Variants in MBNL3 observed in about 807,000 individuals in gnomAD.
MBNL3 encodes the protein muscleblind-like protein 3.
Under a neutral mutation model 24.5 loss-of-function variants are expected in MBNL3, and 6 were observed. The ratio of observed to expected loss-of-function variants is 0.25; its 90% confidence interval spans 0.13 to 0.48. MBNL3 has a LOEUF of 0.48. Ranked by LOEUF, MBNL3 falls within the 20% of genes least tolerant of loss-of-function variation. The pLI is 0.99. For missense variants in MBNL3, 230 were observed against 293.5 expected, an observed-to-expected ratio of 0.78 and a Z score of 1.58; for synonymous variants, 100 against 101.7, an observed-to-expected ratio of 0.98 and a Z score of 0.10.
At chrX:132,458,641 C>T (rs1310585694) in intron 1 of MBNL3, among the ~76,000 whole-genome samples, 1 of 111,066 alleles carries the variant, frequency 9.0e-6, no homozygotes, top group African/African-American at 3.3e-5. Flanking sequence ...ACTAGAACTG[C>T]ATTAATCTAT....
intron 2 of MBNL3, among the ~76,000 whole-genome samples, chrX:132,433,730 C>T (rs1944927799): frequency 8.9e-6 from 1 of 111,863 alleles, no homozygotes; most frequent in South Asian, 3.8e-4. Context: ...TACACAGAGC[C>T]CCACCTGATC....
intron 1 of MBNL3, among the ~76,000 whole-genome samples, chrX:132,462,915 G>A (rs186784264): frequency 9.0e-6 from 1 of 111,233 alleles, no homozygotes; most frequent in Admixed American, 9.6e-5. Flanking sequence ...AATTAACTAG[G>A]GCAATAGAAG....
intron 2 of MBNL3, among the ~76,000 whole-genome samples, chrX:132,409,328 A>G (rs1296444668): frequency 2.7e-5 from 3 of 112,094 alleles, no homozygotes; most frequent in Non-Finnish European, 5.6e-5. Context: ...AGGTTGGGAT[A>G]GAGTGGGGAT....
chrX:132,383,332 C>T (rs1935368748), intron 7 of MBNL3, among the ~76,000 whole-genome samples: 1 of 112,047 alleles, frequency 8.9e-6, no homozygotes, highest in Non-Finnish European at 1.9e-5. Context: ...TCTAGTTACC[C>T]ATTACCCAGA....
chrX:132,381,506 A>C (rs1934948320), intron 8 of MBNL3: 4 of 651,510 alleles, frequency 6.1e-6, no homozygotes, highest in Non-Finnish European at 9.3e-6. Context: ...ATATATGTGG[A>C]TCTTTTAGTC....
chrX:132,440,979 AT>A (rs988521569), intron 1 of MBNL3, among the ~76,000 whole-genome samples: 9 of 112,381 alleles, frequency 8.0e-5, no homozygotes, highest in African/African-American at 9.7e-5. Context: ...TTTCAACAAT[AT>A]TTTCAACAAT....
chrX:132,466,665 T>C lies in MBNL3; in HGVS notation c.-704+22186A>G, dbSNP rs754476159. 4.5e-5 allele frequency among the ~76,000 whole-genome samples: 5 copies of C among 111,408 alleles called. No homozygotes were observed. The South Asian group carries it at 1.1e-3, about 25-fold the overall frequency. On this transcript the variant is annotated intron_variant, in intron 1 of 8. Transcript: ENST00000370853. The stretch of plus-strand genomic sequence containing the variant: ...CTACAGTGTCTGTTAGAAGCTGAGG[T>C]CTGGAAGTAGTATGCCATTTCTTTA...
At chrX:132,445,958 C>G (rs1945691136) in intron 1 of MBNL3, among the ~76,000 whole-genome samples, 1 of 111,059 alleles carries the variant, frequency 9.0e-6, no homozygotes, top group Non-Finnish European at 1.9e-5. Context: ...TCCCCACCCT[C>G]CAACAGGCCG....
At chrX:132,396,915 CAT>C (rs1176044919) in intron 3 of MBNL3, among the ~76,000 whole-genome samples, 5 of 36,559 alleles carry the variant, frequency 1.4e-4, no homozygotes, top group East Asian at 1.3e-3. Context: ...TACATATATA[CAT>C]ATATATTCAT....
intron 2 of MBNL3, among the ~76,000 whole-genome samples, chrX:132,423,060 A>C (rs757406855): frequency 8.9e-6 from 1 of 111,855 alleles, no homozygotes; most frequent in South Asian, 3.8e-4. Context: ...ATACTAAAGA[A>C]ATTTGGACAC....
chrX:132,477,411 T>C (rs980835340), intron 1 of MBNL3, among the ~76,000 whole-genome samples: 4 of 112,225 alleles, frequency 3.6e-5, no homozygotes, highest in African/African-American at 1.3e-4. Flanking sequence ...AAAGCCTTAT[T>C]GTATGTCAAG....
intron 2 of MBNL3, among the ~76,000 whole-genome samples, chrX:132,433,746 A>C (rs1944929971): frequency 3.8e-5 from 4 of 105,900 alleles, no homozygotes; most frequent in Admixed American, 1.0e-4. Flanking sequence ...TGATCTCCCC[A>C]CCCCCGGGAC....
At chrX:132,409,129 T>C (rs1418659935) in intron 2 of MBNL3, among the ~76,000 whole-genome samples, 1 of 112,469 alleles carries the variant, frequency 8.9e-6, no homozygotes, top group Non-Finnish European at 1.9e-5. Flanking sequence ...GGATAATATA[T>C]TTGTACACAC....
intron 1 of MBNL3, among the ~76,000 whole-genome samples, chrX:132,456,254 T>A (rs2148485899): frequency 8.9e-6 from 1 of 112,412 alleles, no homozygotes; most frequent in East Asian, 2.8e-4. Context: ...CAAAATATTT[T>A]CTATATTAAT....
At chrX:132,457,241 A>G (rs781286638) in intron 1 of MBNL3, among the ~76,000 whole-genome samples, 74 of 112,004 alleles carry the variant, frequency 6.6e-4, no homozygotes, top group Non-Finnish European at 1.2e-3. Flanking sequence ...TTTTCAGGAC[A>G]AGATCTGAGT....
chrX:132,483,424 A>T (rs1947843513), intron 1 of MBNL3, among the ~76,000 whole-genome samples: 1 of 112,097 alleles, frequency 8.9e-6, no homozygotes, highest in African/African-American at 3.2e-5. Context: ...ATATTGTGAC[A>T]ATCCCATTTT....
intron 1 of MBNL3, among the ~76,000 whole-genome samples, chrX:132,462,986 T>G (rs1338303980): frequency 2.7e-5 from 3 of 111,816 alleles, no homozygotes; most frequent in African/African-American, 9.8e-5. Flanking sequence ...CAGAGCTTTT[T>G]AATAAACAAA....
In MBNL3 at chrX:132,374,678, G is replaced by A. The variant is rs780682899; in HGVS notation, c.*4988C>T. On this transcript the variant is annotated 3_prime_UTR_variant, in exon 9 of 9. Transcript: ENST00000370853. The stretch of plus-strand genomic sequence containing the variant: ...CAAAAAAGGTGTGTCTCACACATCC[G>A]CACCCTAACTGAGACAGTCAATTAA... 2 of 111,734 alleles carry A rather than the reference G, an allele frequency of 1.8e-5. No homozygotes were observed. The highest frequency in any genetic ancestry group is 9.5e-5 in the Admixed American group (1 of 10,525). The allele number at this position is 111,734 out of a possible 1,213,427, so 9.2% of individuals were successfully genotyped here.
Position 132,439,548 on chromosome X carries a change from C to A in MBNL3, c.64G>T (p.Glu22Ter), listed in dbSNP as rs868734311. The change falls in exon 2 of 9, where the codon GAA becomes TAA. Residue 22 changes from glutamate to a stop codon, truncating the protein, a stop_gained. Coordinates refer to ENST00000370853, the MANE Select transcript of MBNL3 (RefSeq NM_001386889.1). LOFTEE classifies it high-confidence loss of function. ...CGAGAGCAAGTTCCTCTCTGAAATT[C>A]TCTACAGACTTCTAAAGTCAGCCAC... ...TKWLTLEVCR[E>*]FQRGTCSRAD... 1 of 1,209,261 alleles carries A rather than the reference C, an allele frequency of 8.3e-7. No individual in the cohort carries two copies. Among genetic ancestry groups the A allele is most frequent in the African/African-American group, 1.7e-5 (1 of 57,542 alleles).
Sources: gnomAD v4.1 joint callset for allele counts (sites outside exome capture counted in the v4.1 genomes callset) on GRCh38, gnomAD v4.1.1 for gene constraint, MANE v1.5 for transcripts, NCBI Gene and HGNC (gene_info 2026-07-23, HGNC 2026-07-21) for gene names.